BRD7: variants seen among roughly 807,000 people sequenced by gnomAD.
BRD7 encodes bromodomain containing 7.
Under a neutral mutation model 82.1 loss-of-function variants are expected in BRD7, and 15 were observed. The ratio of observed to expected loss-of-function variants is 0.18; its 90% confidence interval spans 0.12 to 0.28. The LOEUF (loss-of-function observed/expected upper bound fraction) is 0.28. Ranked by LOEUF, BRD7 falls within the 10% of genes least tolerant of loss-of-function variation. The pLI is 1.00. For synonymous variants in BRD7, 232 were observed against 266.9 expected (o/e 0.87, Z 1.27); for missense variants, 638 against 779.9 (o/e 0.82, Z 2.17).
At chr16:50,366,885 T>G (rs74969804) in intron 2 of BRD7, among the ~76,000 whole-genome samples, 2,419 of 152,300 alleles carry the variant, frequency 0.016, 64 homozygotes, top group African/African-American at 0.055. Flanking sequence ...CTTTTTCCAT[T>G]TTGTGTACTT....
rs759806638 is a variant in BRD7, at chr16:50,320,771, T to C, written c.1504A>G (p.Thr502Ala). 1 of 1,611,236 alleles carries C rather than the reference T, an allele frequency of 6.2e-7. No individual in the cohort carries two copies. Among genetic ancestry groups the C allele is most frequent in the South Asian group, 1.1e-5 (1 of 91,020 alleles). Reference sequence around the variant, plus strand: ...AAACGCCCTGGTGGCTCTACTTCTGTAATCTGCTTCAAAAGGAAAAACAGG... The same window carrying C: ...AAACGCCCTGGTGGCTCTACTTCTGCAATCTGCTTCAAAAGGAAAAACAGG... The part of the protein sequence containing the change: ...TLDTAKEMEI[T>A]EVEPPGRLDS... Residue 502 changes from threonine (T) to alanine (A), a missense_variant, in exon 14 of 17, where the codon ACA (threonine) becomes GCA (alanine). Around this residue, in one of 3 missense-constraint regions of BRD7, gnomAD observed 402 missense variants for 500.8 expected, o/e 0.80. Coordinates refer to ENST00000394688, the MANE Select transcript of BRD7 (RefSeq NM_013263.5).
At chr16:50,344,355 TCTC>T (rs1170309202) in intron 5 of BRD7, among the ~76,000 whole-genome samples, 4 of 152,198 alleles carry the variant, frequency 2.6e-5, no homozygotes, top group South Asian at 2.1e-4. Flanking sequence ...GAGCACCTCT[TCTC>T]CTCCAAAGGA....
At position 50,333,622 on chromosome 16, in the gene BRD7, G is replaced by C. The variant is rs755118533; in HGVS notation, c.963C>G (p.Ile321Met). The C allele has an allele frequency of 3.7e-6, 6 of 1,611,750 alleles. No homozygotes were observed. The highest frequency in any genetic ancestry group is 4.2e-6 in the Non-Finnish European group (5 of 1,179,754). Residue 321 changes from isoleucine (I) to methionine (M), a missense_variant, in exon 8 of 17, where the codon ATC becomes ATG. This residue lies in a region of BRD7 where 402 missense variants were observed against 500.8 expected (regional missense o/e 0.80). Coordinates refer to ENST00000394688, the MANE Select transcript of BRD7 (RefSeq NM_013263.5). ...LEREQEQLDR[I>M]VKESGGKLTR... ...TCAGCTTTCCTCCAGATTCCTTCAC[G>C]ATGCGGTCAAGCTGCTCCTGCTCTC... is the stretch of plus-strand genomic sequence containing the variant.
rs1421634570 is a variant in BRD7, at chr16:50,317,264, G to A, written c.*1947C>T. 1.3e-5 allele frequency: 2 copies of A among 152,740 alleles called. No individual in the cohort carries two copies. Among genetic ancestry groups the A allele is most frequent in the Non-Finnish European group, 2.9e-5 (2 of 68,044 alleles). 9.5% of individuals were successfully genotyped at this position (152,740 alleles called of 1,614,324 possible). A position where few individuals can be genotyped will look rare whatever the true frequency, so the allele number is the denominator to read the frequency against. Reference sequence around the variant, plus strand: ...AATTTCATGGCAACAATGCTGGTAAGGGCAATTAGCCTCGCTTAAGTTGCC... The same window carrying A: ...AATTTCATGGCAACAATGCTGGTAAAGGCAATTAGCCTCGCTTAAGTTGCC... On this transcript the variant is annotated 3_prime_UTR_variant, in exon 17 of 17. Transcript: ENST00000394688.
chr16:50,341,893 G>T (rs1451498416), intron 5 of BRD7, among the ~76,000 whole-genome samples: 1 of 147,872 alleles, frequency 6.8e-6, no homozygotes, highest in East Asian at 2.0e-4. Flanking sequence ...TGATGGCACT[G>T]GTCATTCAAA....
At chr16:50,343,786 G>A (rs2038169072) in intron 5 of BRD7, among the ~76,000 whole-genome samples, 1 of 152,200 alleles carries the variant, frequency 6.6e-6, no homozygotes, top group South Asian at 2.1e-4. Context: ...GCTTGAGTAG[G>A]TAAACAAAGC....
In BRD7 at chr16:50,319,617, ACAAC is replaced by A. The variant is rs1404806927; in HGVS notation, c.1900+266_1900+269del. Among the ~76,000 whole-genome samples the A allele has an allele frequency of 2.0e-5, 3 of 152,238 alleles. No individual in the cohort carries two copies. The East Asian group carries it at 5.8e-4, about 29-fold the overall frequency. ...GGGGAAAAAACCCAATTAAAAAAAT[ACAAC>A]AAACAATGAAAAAAATATAAAAAAT... On this transcript the variant is annotated intron_variant, in intron 16 of 16. Coordinates refer to ENST00000394688, the MANE Select transcript of BRD7 (RefSeq NM_013263.5).
chr16:50,350,206 T>C (rs1396138057), intron 4 of BRD7, 39 bp from the exon 5 acceptor site: 3 of 1,440,066 alleles, frequency 2.1e-6, no homozygotes, highest in Non-Finnish European at 2.8e-6. Flanking sequence ...TATTTTATTC[T>C]ATTACAAACA....
chr16:50,350,801 C>T (rs1201388953), intron 4 of BRD7, among the ~76,000 whole-genome samples: 2 of 152,162 alleles, frequency 1.3e-5, no homozygotes, highest in Non-Finnish European at 1.5e-5. Context: ...ACAACACTGG[C>T]TGTACACTAG....
Position 50,319,981 on chromosome 16 carries a change from T to C in BRD7, c.1806A>G (p.Pro602=). 1 of 1,613,166 alleles carries C rather than the reference T, an allele frequency of 6.2e-7. No homozygotes were observed. Among genetic ancestry groups the C allele is most frequent in the South Asian group, 1.1e-5 (1 of 90,870 alleles). The part of the protein sequence containing the change: ...NLKELAQQVT[P]GDIVSTYGVR... ...CTCCATACGTGCTTACGATATCACC[T>C]GGAGTTACTTGCTGTGCAAGTTCTT... The change falls in exon 16 of 17, where the codon CCA becomes CCG. Residue 602 remains proline (P), a synonymous_variant. Transcript: ENST00000394688.
chr16:50,320,764 A>G lies in BRD7; in HGVS notation c.1511T>C (p.Val504Ala). 6.2e-7 allele frequency: 1 copy of G among 1,613,186 alleles called. No homozygotes were observed. Among genetic ancestry groups the G allele is most frequent in the Non-Finnish European group, 8.5e-7 (1 of 1,179,118 alleles). Residue 504 changes from valine (V) to alanine (A), a missense_variant, in exon 14 of 17, where the codon GTA becomes GCA. Val to Ala is a moderately conservative substitution (Grantham distance 64). Transcript: ENST00000394688. ...DTAKEMEITEVEPPGRLDSST... is the reference protein window; with the variant it reads ...DTAKEMEITEAEPPGRLDSST... ...GGAGTCCAAACGCCCTGGTGGCTCT[A>G]CTTCTGTAATCTGCTTCAAAAGGAA... is the stretch of plus-strand genomic sequence containing the variant.
At chr16:50,335,486 ATT>A (rs2037759209) in intron 6 of BRD7, among the ~76,000 whole-genome samples, 1 of 152,174 alleles carries the variant, frequency 6.6e-6, no homozygotes, top group African/African-American at 2.4e-5. Context: ...CATGTGCTTA[ATT>A]TTTCGCTGCA....
At chr16:50,360,514 G>A (rs1469732610) in intron 2 of BRD7, among the ~76,000 whole-genome samples, 1 of 152,182 alleles carries the variant, frequency 6.6e-6, no homozygotes, top group African/African-American at 2.4e-5. Context: ...TTAGCCATTA[G>A]CTCTATGATG....
chr16:50,332,128 T>C (rs2151152741), intron 8 of BRD7, among the ~76,000 whole-genome samples: 1 of 152,172 alleles, frequency 6.6e-6, no homozygotes, highest in South Asian at 2.1e-4. Flanking sequence ...AAACAAAAAT[T>C]CACAAGTGGG....
chr16:50,329,930 A>G (rs562255825), intron 8 of BRD7, among the ~76,000 whole-genome samples: 1 of 152,332 alleles, frequency 6.6e-6, no homozygotes, highest in African/African-American at 2.4e-5. Flanking sequence ...AAAATGTCTC[A>G]GTCAACTGAG....
intron 9 of BRD7, among the ~76,000 whole-genome samples, chr16:50,326,816 T>C (rs976993877): frequency 3.9e-5 from 6 of 152,172 alleles, no homozygotes; most frequent in African/African-American, 1.2e-4. Flanking sequence ...TGAGTATCTA[T>C]GAAAGGCATA....
At chr16:50,330,558 G>A (rs776346632) in intron 8 of BRD7, among the ~76,000 whole-genome samples, 1 of 152,116 alleles carries the variant, frequency 6.6e-6, no homozygotes, top group Non-Finnish European at 1.5e-5. Flanking sequence ...AAGAGGGGGA[G>A]AGAAAGTGAA....
chr16:50,359,723 AAAC>A (rs1375083925), intron 2 of BRD7, among the ~76,000 whole-genome samples: 1 of 152,220 alleles, frequency 6.6e-6, no homozygotes, highest in Non-Finnish European at 1.5e-5. Flanking sequence ...CTAGTCTTAA[AAAC>A]AACAACAAAA....
chr16:50,329,619 G>A (rs2037475012), intron 8 of BRD7, among the ~76,000 whole-genome samples: 1 of 152,138 alleles, frequency 6.6e-6, no homozygotes, highest in Non-Finnish European at 1.5e-5. Flanking sequence ...AGGACGCCCT[G>A]AAAACACTAG....
Sources: allele counts gnomAD v4.1 joint callset (sites outside exome capture counted in the v4.1 genomes callset), GRCh38; gene constraint gnomAD v4.1.1; regional missense constraint gnomAD v4.1.1; transcripts MANE v1.5; gene names NCBI Gene and HGNC (gene_info 2026-07-23, HGNC 2026-07-21).